The following CSF2RA variants were observed in gnomAD, a reference collection of about 807,000 sequenced individuals.
The protein encoded by CSF2RA is granulocyte-macrophage colony-stimulating factor receptor subunit alpha.
In CSF2RA, 42 loss-of-function variants were observed where a neutral mutation model predicts 51.6. The observed-to-expected ratio is 0.81, with a 90% CI of 0.64 to 1.05. CSF2RA has a LOEUF of 1.05. Among genes scored for constraint, CSF2RA ranks in the 50% least tolerant of loss-of-function variants. The probability of loss-of-function intolerance (pLI) is 0.00; values close to 1 mark genes in which losing one functional copy is unlikely to be tolerated. For synonymous variants in CSF2RA, 222 were observed against 193.0 expected (o/e 1.15, Z -1.24); for missense variants, 530 against 501.1 (o/e 1.06, Z -0.55).
chrX:1,314,376 A>ACACTGCACTTGCCCAACCC (rs2084360858), downstream of CSF2RA, among the ~76,000 whole-genome samples: 1 of 116,160 alleles, frequency 8.6e-6, no homozygotes, highest in African/African-American at 4.0e-5. Flanking sequence ...CTGCCCAACC[A>ACACTGCACTTGCCCAACCC]CTCTGTGCCT....
At position 1,270,858 on chromosome X, in the gene CSF2RA, G is replaced by A. The variant is rs868611153; in HGVS notation, c.-91+1979G>A. Among the ~76,000 whole-genome samples, 10 of 99,790 alleles carry A rather than the reference G, an allele frequency of 1.0e-4. 1 individual carries two copies. The South Asian group carries it at 2.7e-3, about 27-fold the overall frequency. The allele number at this position is 99,790 out of a possible 152,430, so 65.5% of individuals were successfully genotyped here. On this transcript the variant is annotated intron_variant, in intron 1 of 12. Coordinates refer to ENST00000381529, the MANE Select transcript of CSF2RA (RefSeq NM_172245.4). ...AGTTCGAGACCAGCCTGGCCAACAGGGTGAAACCCCATCTCTACTAAAAAT... is the reference window on the plus strand; with the variant it reads ...AGTTCGAGACCAGCCTGGCCAACAGAGTGAAACCCCATCTCTACTAAAAAT...
intron 9 of CSF2RA, 98 bp from the exon 10 acceptor site, chrX:1,300,393 A>C (rs1239651868): frequency 7.0e-7 from 1 of 1,420,356 alleles, no homozygotes; most frequent in Non-Finnish European, 9.7e-7. Flanking sequence ...GAAAAAAAGA[A>C]AAGGAGAAAA....
At chrX:1,290,836 G>T (rs1382595426) in intron 7 of CSF2RA, among the ~76,000 whole-genome samples, 2 of 152,114 alleles carry the variant, frequency 1.3e-5, no homozygotes, top group African/African-American at 4.8e-5. Context: ...ACTCCAGCTT[G>T]AGCGACAGAG....
intron 9 of CSF2RA, among the ~76,000 whole-genome samples, chrX:1,298,914 C>G: frequency 6.6e-6 from 1 of 152,168 alleles, no homozygotes; most frequent in South Asian, 2.1e-4. Flanking sequence ...GGAGAATACT[C>G]TGCCCGACAT....
chrX:1,319,898 T>A, the CSF2RA span, among the ~76,000 whole-genome samples: 1 of 148,008 alleles, frequency 6.8e-6, no homozygotes, highest in African/African-American at 2.5e-5. Context: ...TGTTTGTTTG[T>A]TTGTTTGTTT....
the CSF2RA span, among the ~76,000 whole-genome samples, chrX:1,322,832 A>G: frequency 3.9e-5 from 6 of 152,096 alleles, no homozygotes; most frequent in African/African-American, 1.4e-4. Context: ...GTGATGAAGG[A>G]AAGAATCTGA....
rs138703402 is a variant in CSF2RA, at chrX:1,309,573, T to G, written c.*94T>G. ...GATGCTGTGAACCTTTATATCATTTTCTATGTTTTTATTTAAAAACATGAC... is the reference window on the plus strand; with the variant it reads ...GATGCTGTGAACCTTTATATCATTTGCTATGTTTTTATTTAAAAACATGAC... On this transcript the variant is annotated 3_prime_UTR_variant, in exon 13 of 13. Coordinates refer to ENST00000381529, the MANE Select transcript of CSF2RA (RefSeq NM_172245.4). 1 of 1,613,852 alleles carries G rather than the reference T, an allele frequency of 6.2e-7. No homozygotes were observed. Among genetic ancestry groups the G allele is most frequent in the African/African-American group, 1.3e-5 (1 of 74,922 alleles).
At chrX:1,308,075 C>CT (rs1472606439) in intron 12 of CSF2RA, among the ~76,000 whole-genome samples, 1 of 151,652 alleles carries the variant, frequency 6.6e-6, no homozygotes, top group African/African-American at 2.4e-5. Flanking sequence ...AGGCCCACCC[C>CT]CTTTAGACCT....
intron 10 of CSF2RA, chrX:1,303,384 C>A: frequency 2.3e-6 from 1 of 435,372 alleles, no homozygotes; most frequent in Non-Finnish European, 4.0e-6. Context: ...TACAGGCACC[C>A]ACCACCATGC....
chrX:1,288,319 T>A (rs2091003644), intron 4 of CSF2RA, among the ~76,000 whole-genome samples, 200 bp from the exon 5 acceptor site: 1 of 137,036 alleles, frequency 7.3e-6, no homozygotes, highest in Admixed American at 7.7e-5. Flanking sequence ...CTGTCTCTAC[T>A]ACAAATACAC....
the CSF2RA span, among the ~76,000 whole-genome samples, chrX:1,321,409 C>T: frequency 6.6e-6 from 1 of 151,902 alleles, no homozygotes; most frequent in Non-Finnish European, 1.5e-5. Context: ...GCGGAGCTTG[C>T]AGTGAGCCGA....
chrX:1,316,785 C>T, the CSF2RA span, among the ~76,000 whole-genome samples: 1 of 152,192 alleles, frequency 6.6e-6, no homozygotes, highest in African/African-American at 2.4e-5. Flanking sequence ...AGCAAGTTCC[C>T]TAATTCTGTC....
chrX:1,308,885 C>T (rs2083941082), intron 12 of CSF2RA, among the ~76,000 whole-genome samples: 1 of 152,168 alleles, frequency 6.6e-6, no homozygotes. Context: ...CCCTGTTCAT[C>T]GTCAACTATG....
chrX:1,322,441 T>TTTG, the CSF2RA span, among the ~76,000 whole-genome samples: 45 of 80,348 alleles, frequency 5.6e-4, no homozygotes, highest in African/African-American at 2.1e-3. Flanking sequence ...GTGTGTTTGT[T>TTTG]TTTTTTTTTT....
intron 7 of CSF2RA, among the ~76,000 whole-genome samples, chrX:1,292,889 G>A (rs2148455415): frequency 6.6e-6 from 1 of 152,100 alleles, no homozygotes; most frequent in Admixed American, 6.6e-5. Flanking sequence ...CCCTTCCCAC[G>A]AGGCCATATC....
intron 12 of CSF2RA, among the ~76,000 whole-genome samples, 194 bp from the exon 13 acceptor site, chrX:1,309,208 A>G (rs1284328204): frequency 6.6e-6 from 1 of 151,974 alleles, no homozygotes; most frequent in Admixed American, 6.6e-5. Flanking sequence ...CCAGCTACTC[A>G]GGAGGCTGAG....
Position 1,285,887 on chromosome X carries a change from A to G in CSF2RA, c.186A>G (p.Leu62=), listed in dbSNP as rs1372886114. 6.2e-7 allele frequency: 1 copy of G among 1,613,884 alleles called. No homozygotes were observed. Among genetic ancestry groups the G allele is most frequent in the South Asian group, 1.1e-5 (1 of 91,064 alleles). ...ACACAACCTTCAGCAAGTGTTTCTTAACTGACAAGAAGAACAGAGTCGTGG... is the reference window on the plus strand; with the variant it reads ...ACACAACCTTCAGCAAGTGTTTCTTGACTGACAAGAAGAACAGAGTCGTGG... ...QENTTFSKCF[L]TDKKNRVVEP... The change falls in exon 4 of 13, where the codon TTA becomes TTG. Residue 62 remains leucine (L), a synonymous_variant. Coordinates refer to ENST00000381529, the MANE Select transcript of CSF2RA (RefSeq NM_172245.4).
intron 10 of CSF2RA, among the ~76,000 whole-genome samples, chrX:1,300,982 C>T (rs1339886567): frequency 4.6e-5 from 7 of 151,680 alleles, no homozygotes; most frequent in African/African-American, 9.7e-5. Flanking sequence ...GGTGAAACCC[C>T]GTCTCTACTA....
chrX:1,287,642 C>G (rs2090897999), intron 4 of CSF2RA, among the ~76,000 whole-genome samples: 1 of 143,894 alleles, frequency 6.9e-6, no homozygotes, highest in South Asian at 2.3e-4. Context: ...CGGGGTTTCA[C>G]CATGTTGGCC....
Sources: allele counts gnomAD v4.1 joint callset (sites outside exome capture counted in the v4.1 genomes callset), GRCh38; gene constraint gnomAD v4.1.1; transcripts MANE v1.5; gene names NCBI Gene and HGNC (gene_info 2026-07-23, HGNC 2026-07-21).